FYN: variants seen among roughly 807,000 people sequenced by gnomAD.
The protein encoded by FYN is tyrosine-protein kinase Fyn.
In FYN, 10 loss-of-function variants were observed where a neutral mutation model predicts 70.2. The observed-to-expected ratio is 0.14, with a 90% CI of 0.09 to 0.24. FYN has a LOEUF of 0.24. Ranked by LOEUF, FYN falls within the 10% of genes least tolerant of loss-of-function variation. The pLI is 1.00. For synonymous variants in FYN, 236 were observed against 248.6 expected (o/e 0.95, Z 0.48); for missense variants, 319 against 673.1 (o/e 0.47, Z 5.82).
At chr6:111,820,490 AAT>A (rs71675092) in intron 2 of FYN, among the ~76,000 whole-genome samples, 6,298 of 152,258 alleles carry the variant, frequency 0.041, 161 homozygotes, top group East Asian at 0.14. Context: ...TAACCTGAGA[AAT>A]AGATTAACTG....
At chr6:111,671,334 CT>C (rs2128406840) in intron 13 of FYN, among the ~76,000 whole-genome samples, 1 of 152,270 alleles carries the variant, frequency 6.6e-6, no homozygotes, top group African/African-American at 2.4e-5. Flanking sequence ...CTCTAAGTTC[CT>C]TCTGGGATTG....
At chr6:111,787,279 C>T (rs60815371) in intron 2 of FYN, among the ~76,000 whole-genome samples, 20 of 152,294 alleles carry the variant, frequency 1.3e-4, no homozygotes, top group African/African-American at 1.2e-4. Context: ...CAGCTTTCTA[C>T]GTATGGCTAG....
chr6:111,744,627 C>T (rs926942886), intron 3 of FYN, among the ~76,000 whole-genome samples: 1 of 152,192 alleles, frequency 6.6e-6, no homozygotes, highest in African/African-American at 2.4e-5. Context: ...AGCATTATCA[C>T]TAACCAGATG....
chr6:111,671,063 C>T (rs1562461754), intron 13 of FYN, among the ~76,000 whole-genome samples: 2 of 152,304 alleles, frequency 1.3e-5, no homozygotes, highest in East Asian at 3.9e-4. Context: ...ACTGATGGAG[C>T]TCTTCTTTGG....
chr6:111,748,877 C>T (rs1359869721), intron 3 of FYN, among the ~76,000 whole-genome samples: 1 of 152,084 alleles, frequency 6.6e-6, no homozygotes, highest in Non-Finnish European at 1.5e-5. Flanking sequence ...GTGTTGCCTG[C>T]ATTTGTAGTT....
chr6:111,832,104 T>C (rs1019481002), intron 2 of FYN, among the ~76,000 whole-genome samples: 4 of 152,210 alleles, frequency 2.6e-5, no homozygotes, highest in African/African-American at 9.6e-5. Context: ...ACATTAATGA[T>C]GGTAAACAAC....
At position 111,673,684 on chromosome 6, in the gene FYN, T is replaced by A. The variant is rs1376493936; in HGVS notation, c.1405+815A>T. ...ACGCAGGGAATGAGGGGGAGCTATG[T>A]TCTTTCTTCACTCAGCAGTAACTGA... On this transcript the variant is annotated intron_variant, in intron 13 of 13. Transcript: ENST00000354650. Among the ~76,000 whole-genome samples the A allele has an allele frequency of 2.2e-5, 3 of 136,696 alleles. No individual in the cohort carries two copies. The East Asian group carries it at 7.4e-4, about 34-fold the overall frequency. The allele number at this position is 136,696 out of a possible 152,430, so 89.7% of individuals were successfully genotyped here. A position where few individuals can be genotyped will look rare whatever the true frequency, so the allele number is the denominator to read the frequency against.
intron 3 of FYN, among the ~76,000 whole-genome samples, chr6:111,732,354 C>A (rs1801503815): frequency 1.3e-5 from 2 of 152,214 alleles, no homozygotes; most frequent in Admixed American, 1.3e-4. Context: ...AATGGCACAG[C>A]AGTTAATCTT....
At chr6:111,673,635 T>TTTTTTTTTTTC (rs1235719272) in intron 13 of FYN, among the ~76,000 whole-genome samples, 1 of 149,344 alleles carries the variant, frequency 6.7e-6, no homozygotes, top group African/African-American at 2.5e-5. Context: ...TTTTTTTTTT[T>TTTTTTTTTTTC]TTTTTTCTTT....
intron 3 of FYN, among the ~76,000 whole-genome samples, chr6:111,752,111 G>C (rs1352312204): frequency 1.3e-5 from 2 of 152,206 alleles, no homozygotes; most frequent in Non-Finnish European, 2.9e-5. Context: ...CCATGGAAGA[G>C]AATGTGGAGT....
chr6:111,728,613 G>A (rs1801295553), intron 3 of FYN, among the ~76,000 whole-genome samples: 2 of 152,164 alleles, frequency 1.3e-5, no homozygotes, highest in South Asian at 4.1e-4. Flanking sequence ...GTGGTCTTTT[G>A]TGATTGGCTT....
chr6:111,677,041 A>G (rs1019979576), intron 12 of FYN, among the ~76,000 whole-genome samples: 5 of 152,234 alleles, frequency 3.3e-5, no homozygotes, highest in African/African-American at 1.2e-4. Flanking sequence ...TAATGTAAGG[A>G]ATCTTTGAAA....
intron 8 of FYN, among the ~76,000 whole-genome samples, chr6:111,700,604 G>T (rs1393612756): frequency 6.6e-6 from 1 of 152,184 alleles, no homozygotes; most frequent in East Asian, 1.9e-4. Context: ...AGACTGCTTT[G>T]GTTTCTGTAC....
intron 4 of FYN, among the ~76,000 whole-genome samples, chr6:111,718,452 C>T (rs2128460754): frequency 6.6e-6 from 1 of 152,314 alleles, no homozygotes; most frequent in South Asian, 2.1e-4. Flanking sequence ...ATGCTCAACA[C>T]AAGTGGCCCT....
At chr6:111,836,351 T>C (rs1773185251) in intron 2 of FYN, among the ~76,000 whole-genome samples, 1 of 152,228 alleles carries the variant, frequency 6.6e-6, no homozygotes, top group Non-Finnish European at 1.5e-5. Flanking sequence ...AAACATCCAG[T>C]GAATGATGGT....
chr6:111,837,747 G>A (rs748449918), intron 2 of FYN, among the ~76,000 whole-genome samples: 2 of 152,152 alleles, frequency 1.3e-5, no homozygotes, highest in Non-Finnish European at 2.9e-5. Context: ...CCGTGGCCTA[G>A]CTCTTTGGTG....
At chr6:111,843,550 T>C (rs1243243596) in intron 2 of FYN, among the ~76,000 whole-genome samples, 1 of 152,220 alleles carries the variant, frequency 6.6e-6, no homozygotes, top group Non-Finnish European at 1.5e-5. Flanking sequence ...TTGAACTCTC[T>C]TTGCTTGCCC....
chr6:111,740,271 A>G (rs552963787), intron 3 of FYN, among the ~76,000 whole-genome samples: 2 of 152,368 alleles, frequency 1.3e-5, no homozygotes, highest in East Asian at 3.9e-4. Flanking sequence ...GAGAACAAAA[A>G]TGTGCAGAAA....
chr6:111,714,673 G>A (rs1800538246), intron 4 of FYN, among the ~76,000 whole-genome samples: 2 of 152,138 alleles, frequency 1.3e-5, no homozygotes, highest in South Asian at 4.1e-4. Flanking sequence ...AGACCTGAAG[G>A]GCTTCTTTCT....
Sources: gnomAD v4.1 joint callset for allele counts (sites outside exome capture counted in the v4.1 genomes callset) on GRCh38, gnomAD v4.1.1 for gene constraint, MANE v1.5 for transcripts, NCBI Gene and HGNC (gene_info 2026-07-23, HGNC 2026-07-21) for gene names.